Variants in ITGA11 observed in about 807,000 individuals in gnomAD.
ITGA11 encodes integrin subunit alpha 11.
A neutral mutation model predicts 141.9 loss-of-function variants in ITGA11; 97 were observed. That is an observed-to-expected ratio of 0.68 (90% confidence interval 0.58 to 0.81). The LOEUF (loss-of-function observed/expected upper bound fraction) is 0.81. Ranked by LOEUF, ITGA11 falls within the 30% of genes least tolerant of loss-of-function variation. The pLI is 0.00. For missense variants in ITGA11, 1,387 were observed against 1,559.2 expected (o/e 0.89, Z 1.86); for synonymous variants, 658 against 624.6 (o/e 1.05, Z -0.80).
chr15:68,384,803 G>A (rs1895944457), intron 2 of ITGA11, among the ~76,000 whole-genome samples: 1 of 152,190 alleles, frequency 6.6e-6, no homozygotes, highest in Non-Finnish European at 1.5e-5. Context: ...AGCCTGTTCT[G>A]GGGGCCCAGG....
At chr15:68,315,903 T>C (rs2140279435) in intron 21 of ITGA11, among the ~76,000 whole-genome samples, 176 bp from the exon 22 acceptor site, 1 of 152,254 alleles carries the variant, frequency 6.6e-6, no homozygotes, top group African/African-American at 2.4e-5. Context: ...GAACATGAGC[T>C]GAGCTTCAGG....
intron 4 of ITGA11, 197 bp from the exon 5 acceptor site, chr15:68,361,901 C>T (rs904382828): frequency 7.9e-6 from 4 of 507,146 alleles, no homozygotes; most frequent in African/African-American, 5.8e-5. Flanking sequence ...GGTTTCAGGT[C>T]TAATGGAGAA....
At chr15:68,381,616 C>T (rs1331710728) in intron 2 of ITGA11, among the ~76,000 whole-genome samples, 1 of 151,654 alleles carries the variant, frequency 6.6e-6, no homozygotes, top group Non-Finnish European at 1.5e-5. Context: ...AGTGCAGTGG[C>T]ATCATCTTGG....
rs1335861745 is a variant in ITGA11 at position 68,303,200 on chromosome 15, C to T, written c.3496-70G>A. 3.0e-6 allele frequency: 4 copies of T among 1,331,682 alleles called. No homozygotes were observed. Among genetic ancestry groups the T allele is most frequent in the African/African-American group, 2.9e-5 (2 of 67,802 alleles). The allele number at this position is 1,331,682 out of a possible 1,614,324, so 82.5% of individuals were successfully genotyped here. The stretch of plus-strand genomic sequence containing the variant: ...GCAAGGCCTGCCCCAGCTTTCCCTC[C>T]ACTACCTTTCCTTGGGATTCCTCCC... On this transcript the variant is annotated intron_variant, in intron 29 of 29. Transcript: ENST00000315757. This position sits in a 1 kb window ranked among gnomAD's most constrained non-coding sequence, Gnocchi z 5.3.
At chr15:68,376,947 A>G (rs1895745141) in intron 2 of ITGA11, among the ~76,000 whole-genome samples, 1 of 152,176 alleles carries the variant, frequency 6.6e-6, no homozygotes, top group Non-Finnish European at 1.5e-5. Context: ...GCAGGATGGG[A>G]AGCCCTGTTT....
intron 2 of ITGA11, among the ~76,000 whole-genome samples, chr15:68,396,608 A>G (rs1272386104): frequency 6.6e-6 from 1 of 151,636 alleles, no homozygotes; most frequent in African/African-American, 2.4e-5. Flanking sequence ...AGGTAGGAAA[A>G]TTGGAAAATA....
intron 1 of ITGA11, among the ~76,000 whole-genome samples, chr15:68,405,494 A>G (rs1187479205): frequency 6.6e-6 from 1 of 152,134 alleles, no homozygotes; most frequent in Admixed American, 6.6e-5. Context: ...ATTTAGTGTC[A>G]TGGCCCTGGA....
rs1390257381 is a variant in ITGA11, at chr15:68,350,378, C to T, written c.1060+239G>A. 4.6e-5 allele frequency among the ~76,000 whole-genome samples: 7 copies of T among 151,868 alleles called. No homozygotes were observed. In the East Asian group the frequency reaches 5.8e-4, roughly 13 times the overall value. ...TTTTGTAATTTTTTTTTTAAAGAGA[C>T]GAGGTTTTGCCTTGCTGACCAAACT... On this transcript the variant is annotated intron_variant, in intron 9 of 29. Coordinates refer to ENST00000315757, the MANE Select transcript of ITGA11 (RefSeq NM_001004439.2).
chr15:68,395,201 T>TA (rs1484818112), intron 2 of ITGA11, among the ~76,000 whole-genome samples: 4 of 152,180 alleles, frequency 2.6e-5, no homozygotes, highest in African/African-American at 9.7e-5. Context: ...CAAAGGTAGA[T>TA]AAAACCTCAA....
At chr15:68,316,599 C>T (rs1026420000) in intron 21 of ITGA11, among the ~76,000 whole-genome samples, 1 of 152,176 alleles carries the variant, frequency 6.6e-6, no homozygotes, top group Admixed American at 6.5e-5. Context: ...TGCTAAGGAG[C>T]CCTCATCCCC....
chr15:68,318,143 T>G (rs1333107233), intron 20 of ITGA11, among the ~76,000 whole-genome samples: 1 of 152,086 alleles, frequency 6.6e-6, no homozygotes, highest in African/African-American at 2.4e-5. Context: ...GAGCGTTTCC[T>G]GGGTTGGGGA....
intron 2 of ITGA11, among the ~76,000 whole-genome samples, chr15:68,380,763 TG>T (rs1331598496): frequency 1.3e-5 from 2 of 152,204 alleles, no homozygotes; most frequent in Non-Finnish European, 2.9e-5. Flanking sequence ...AGGTGGGATC[TG>T]GAGGGACAGA....
chr15:68,388,170 A>G (rs1896030973), intron 2 of ITGA11, among the ~76,000 whole-genome samples: 1 of 152,112 alleles, frequency 6.6e-6, no homozygotes, highest in Admixed American at 6.5e-5. Flanking sequence ...TATGTCCTCA[A>G]TCATCCTGCA....
chr15:68,310,252 C>T (rs1893337164), intron 26 of ITGA11, among the ~76,000 whole-genome samples: 1 of 152,158 alleles, frequency 6.6e-6, no homozygotes, highest in Non-Finnish European at 1.5e-5. Context: ...GAAACCCAAA[C>T]AAATCTTCAA....
At chr15:68,315,578 C>G in intron 22 of ITGA11, 73 bp downstream of exon 22, 1 of 1,236,028 alleles carries the variant, frequency 8.1e-7, no homozygotes, top group Admixed American at 1.9e-5. Context: ...TCGGGAGGAG[C>G]AGTTGCTAGC....
chr15:68,312,718 T>G, intron 24 of ITGA11, 55 bp downstream of exon 24: 3 of 1,302,906 alleles, frequency 2.3e-6, no homozygotes, highest in Non-Finnish European at 3.3e-6. Flanking sequence ...CCCTCCAGGA[T>G]GGGGGTGCTC....
chr15:68,381,756 A>G (rs1205371942), intron 2 of ITGA11, among the ~76,000 whole-genome samples: 1 of 152,176 alleles, frequency 6.6e-6, no homozygotes, highest in Non-Finnish European at 1.5e-5. Flanking sequence ...GGGTTTTGCC[A>G]TGTTGGCCAG....
At chr15:68,431,154 G>A (rs1185121433) in intron 1 of ITGA11, among the ~76,000 whole-genome samples, 2 of 152,342 alleles carry the variant, frequency 1.3e-5, no homozygotes, top group East Asian at 3.9e-4. Context: ...GTGTGGGACG[G>A]CCGGGGCCAG....
intron 1 of ITGA11, among the ~76,000 whole-genome samples, chr15:68,423,429 G>A (rs1274590724): frequency 6.6e-6 from 1 of 152,198 alleles, no homozygotes; most frequent in East Asian, 1.9e-4. Context: ...CAACAGGAGT[G>A]AAGGCCAGGG....
Sources: gnomAD v4.1 joint callset for allele counts (sites outside exome capture counted in the v4.1 genomes callset) on GRCh38, gnomAD v4.1.1 for gene constraint, Gnocchi (gnomAD v3.1) non-coding constraint, MANE v1.5 for transcripts, NCBI Gene and HGNC (gene_info 2026-07-23, HGNC 2026-07-21) for gene names.